NEBL: variants seen among roughly 807,000 people sequenced by gnomAD.
The protein encoded by NEBL is LIM and SH3 protein 2.
Under a neutral mutation model 140.2 loss-of-function variants are expected in NEBL, and 122 were observed. The observed-to-expected ratio is 0.87, with a 90% CI of 0.75 to 1.01. NEBL has a LOEUF of 1.01. Among genes scored for constraint, NEBL ranks in the 50% least tolerant of loss-of-function variants. The pLI is 0.00. For synonymous variants in NEBL, 436 were observed against 398.9 expected (o/e 1.09, Z -1.11); for missense variants, 1,365 against 1,231.3 (o/e 1.11, Z -1.62).
At chr10:20,926,532 G>A (rs943776180) in intron 4 of NEBL, among the ~76,000 whole-genome samples, 4 of 152,298 alleles carry the variant, frequency 2.6e-5, no homozygotes, top group African/African-American at 9.6e-5. Flanking sequence ...AGGTTATCAA[G>A]TATGAGATAT....
chr10:20,804,928 G>A (rs1046432342), intron 26 of NEBL, among the ~76,000 whole-genome samples: 1 of 152,162 alleles, frequency 6.6e-6, no homozygotes, highest in African/African-American at 2.4e-5. Flanking sequence ...GGAGGTGGGT[G>A]GAAGATGGTG....
In NEBL at chr10:20,868,481, G is replaced by T. The variant is rs149550279; in HGVS notation, c.684+183C>A. The T allele has an allele frequency of 2.8e-4, 166 of 595,012 alleles. No individual in the cohort carries two copies. The African/African-American group carries it at 3.1e-3, about 11-fold the overall frequency. The allele number at this position is 595,012 out of a possible 1,614,324, so 36.9% of individuals were successfully genotyped here. ...AAACTTTGTTTTATGCTTAAAATTA[G>T]ACTTAATTTTTTTCCTTTACTGAAA... On this transcript the variant is annotated intron_variant, in intron 7 of 27. Transcript: ENST00000377122.
intron 4 of NEBL, among the ~76,000 whole-genome samples, chr10:20,915,651 A>T (rs1385661998): frequency 6.6e-6 from 1 of 151,710 alleles, no homozygotes; most frequent in African/African-American, 2.4e-5. Context: ...AATCCAGTCT[A>T]TCATTGTTGG....
intron 4 of NEBL, among the ~76,000 whole-genome samples, chr10:20,933,685 GATCACACCATTGCATTGC>G (rs1166345801): frequency 6.6e-6 from 1 of 152,218 alleles, no homozygotes; most frequent in African/African-American, 2.4e-5. Flanking sequence ...AGTGAGCCAA[GATCACACCATTGCATTGC>G]ATCCAGATTG....
At chr10:21,037,618 C>T (rs1012939216) in intron 2 of NEBL, among the ~76,000 whole-genome samples, 15 of 152,070 alleles carry the variant, frequency 9.9e-5, no homozygotes, top group Admixed American at 6.5e-4. Flanking sequence ...TTGATTGTGG[C>T]AGTGGTTACT....
At chr10:21,196,495 T>A (rs888374677) in intron 3 of NEBL, among the ~76,000 whole-genome samples, 6 of 151,086 alleles carry the variant, frequency 4.0e-5, no homozygotes, top group African/African-American at 1.5e-4. Flanking sequence ...CAGGCGCCCA[T>A]CACTAAACCC....
intron 2 of NEBL, among the ~76,000 whole-genome samples, chr10:21,075,101 C>T (rs1022609260): frequency 5.3e-5 from 8 of 152,068 alleles, no homozygotes; most frequent in African/African-American, 1.9e-4. Flanking sequence ...CCACGACACC[C>T]AGCCCAGAAT....
chr10:20,998,085 A>G (rs1159703867), intron 3 of NEBL, among the ~76,000 whole-genome samples: 1 of 152,244 alleles, frequency 6.6e-6, no homozygotes, highest in African/African-American at 2.4e-5. Context: ...TAATGAAGAG[A>G]TCCTGGAGAA....
chr10:21,155,207 A>G (rs568161163), intron 2 of NEBL, among the ~76,000 whole-genome samples: 1 of 152,306 alleles, frequency 6.6e-6, no homozygotes, highest in Admixed American at 6.5e-5. Context: ...ACACACACAA[A>G]AAAATTTTTT....
chr10:21,169,025 C>T (rs1283286703), intron 2 of NEBL, among the ~76,000 whole-genome samples: 12 of 123,234 alleles, frequency 9.7e-5, no homozygotes, highest in South Asian at 5.4e-4. Flanking sequence ...CTCCAGCCTG[C>T]GCTACAGAGT....
chr10:21,027,095 C>T (rs2131791394), intron 2 of NEBL, among the ~76,000 whole-genome samples: 1 of 152,212 alleles, frequency 6.6e-6, no homozygotes, highest in South Asian at 2.1e-4. Context: ...ATGCATTTTA[C>T]CTTTGCTGAT....
chr10:20,792,673 A>G (rs1338192557), intron 26 of NEBL, among the ~76,000 whole-genome samples: 2 of 152,000 alleles, frequency 1.3e-5, no homozygotes, highest in African/African-American at 2.4e-5. Context: ...GGTGGCAGGT[A>G]CCTGTAATCC....
At chr10:21,087,921 G>A (rs1034267886) in intron 2 of NEBL, among the ~76,000 whole-genome samples, 11 of 152,244 alleles carry the variant, frequency 7.2e-5, no homozygotes, top group East Asian at 3.9e-4. Flanking sequence ...TAGGCAAATC[G>A]ATTTCTGCCC....
At chr10:20,787,337 G>T in intron 26 of NEBL, 29 bp from the exon 27 acceptor site, 1 of 1,555,314 alleles carries the variant, frequency 6.4e-7, no homozygotes, top group Non-Finnish European at 8.8e-7. Flanking sequence ...CACACACAAA[G>T]ATTCCTTAAA....
At position 21,004,718 on chromosome 10, in the gene NEBL, C is replaced by CAAA. The variant is rs201763188; in HGVS notation, c.249+15396_249+15398dup. Among the ~76,000 whole-genome samples, 1,279 of 143,444 alleles carry CAAA rather than the reference C, an allele frequency of 8.9e-3. 25 individuals carry two copies. The highest frequency in any genetic ancestry group is 0.031 in the African/African-American group (1,218 of 39,458). 94.1% of individuals were successfully genotyped at this position (143,444 alleles called of 152,430 possible). Reference sequence around the variant, plus strand: ...CTGGGGCACAAAGCGAGACTCATCTCAAAAAAAAAAAGAATCACCTGGAGA... The same window carrying CAAA: ...CTGGGGCACAAAGCGAGACTCATCTCAAAAAAAAAAAAAAGAATCACCTGGAGA... On this transcript the variant is annotated intron_variant, in intron 3 of 6. Coordinates refer to the NEBL transcript ENST00000417816.
intron 3 of NEBL, among the ~76,000 whole-genome samples, chr10:21,001,674 T>C (rs562050354): frequency 2.3e-4 from 35 of 151,988 alleles, no homozygotes; most frequent in Non-Finnish European, 4.7e-4. Flanking sequence ...TAGTGTTCCA[T>C]CATTGGAACT....
rs188013425 is a variant in NEBL at position 21,204,197 on chromosome 10, C to G, written n.349-31720G>C. Reference sequence around the variant, plus strand: ...CCTCTGGGAGATGGCTTAGAACAAGCCTCAGAATTAGTTACCCCCACTGTG... The same window carrying G: ...CCTCTGGGAGATGGCTTAGAACAAGGCTCAGAATTAGTTACCCCCACTGTG... On this transcript the variant is annotated intron_variant and non_coding_transcript_variant, in intron 3 of 8. Coordinates refer to the NEBL transcript ENST00000675702. Among the ~76,000 whole-genome samples the G allele has an allele frequency of 4.6e-5, 7 of 152,272 alleles. No individual in the cohort carries two copies. In the East Asian group the frequency reaches 9.7e-4, roughly 21 times the overall value.
chr10:20,968,879 C>G (rs1836445945), intron 3 of NEBL, among the ~76,000 whole-genome samples: 1 of 152,184 alleles, frequency 6.6e-6, no homozygotes, highest in South Asian at 2.1e-4. Flanking sequence ...TTAATTTGAT[C>G]TGCAAAATTT....
chr10:21,278,451 T>G (rs560627094), intron 1 of NEBL, among the ~76,000 whole-genome samples: 33 of 152,172 alleles, frequency 2.2e-4, no homozygotes, highest in Non-Finnish European at 4.3e-4. Context: ...CTCTAAAAAA[T>G]GAAAAGTAAA....
Sources: allele counts gnomAD v4.1 joint callset (sites outside exome capture counted in the v4.1 genomes callset), GRCh38; gene constraint gnomAD v4.1.1; transcripts MANE v1.5; gene names NCBI Gene and HGNC (gene_info 2026-07-23, HGNC 2026-07-21).